Variants in PKHD1 observed in about 807,000 individuals in gnomAD.
PKHD1 encodes PKHD1 ciliary IPT domain containing fibrocystin/polyductin, also known as fibrocystin.
A neutral mutation model predicts 412.0 loss-of-function variants in PKHD1; 291 were observed. The ratio of observed to expected loss-of-function variants is 0.71; its 90% CI spans 0.64 to 0.78. PKHD1 has a LOEUF of 0.78. Ranked by LOEUF, PKHD1 falls within the 30% of genes least tolerant of loss-of-function variation. PKHD1 has a pLI of 0.00. For synonymous variants in PKHD1, 1,777 were observed against 1,821.5 expected (o/e 0.98, Z 0.62); for missense variants, 4,825 against 4,950.7 (o/e 0.97, Z 0.76).
At chr6:51,972,785 C>G (rs1387974374) in intron 35 of PKHD1, among the ~76,000 whole-genome samples, 1 of 152,182 alleles carries the variant, frequency 6.6e-6, no homozygotes, top group East Asian at 1.9e-4. Flanking sequence ...TTATTGGTTC[C>G]AAATGCAATG....
chr6:52,055,462 G>A (rs1396662469), intron 19 of PKHD1, 125 bp downstream of exon 19: 5 of 1,075,258 alleles, frequency 4.7e-6, no homozygotes, highest in Non-Finnish European at 7.0e-6. Context: ...TAGAACCTCA[G>A]CCTGAAACAC....
chr6:51,765,927 T>C (rs1788916077), intron 55 of PKHD1, among the ~76,000 whole-genome samples: 1 of 152,242 alleles, frequency 6.6e-6, no homozygotes, highest in Admixed American at 6.5e-5. Flanking sequence ...TTAATGTCCA[T>C]GCTTCTTTCA....
chr6:51,962,517 C>T (rs552147960), intron 35 of PKHD1, among the ~76,000 whole-genome samples: 43 of 152,188 alleles, frequency 2.8e-4, no homozygotes, highest in African/African-American at 9.6e-4. Context: ...TGTCAGCCTT[C>T]AAAGATTGCT....
chr6:51,946,944 T>A lies in PKHD1; in HGVS notation c.5909-12622A>T, dbSNP rs1286404960. Among the ~76,000 whole-genome samples, 7 of 152,360 alleles carry A rather than the reference T, an allele frequency of 4.6e-5. No individual in the cohort carries two copies. The East Asian group carries it at 9.6e-4, about 21-fold the overall frequency. ...CCACAAAATAATTTGTTGTTTTTTT[T>A]AAGAAAACAAATACACAATTCTATT... On this transcript the variant is annotated intron_variant, in intron 36 of 66. Transcript: ENST00000371117.
At chr6:51,944,750 T>C (rs1378107464) in intron 36 of PKHD1, among the ~76,000 whole-genome samples, 1 of 152,204 alleles carries the variant, frequency 6.6e-6, no homozygotes, top group Non-Finnish European at 1.5e-5. Flanking sequence ...CTTTCTTTAC[T>C]GCAACGCCAT....
In PKHD1 at chr6:52,062,525, G is replaced by C; in HGVS notation, c.1112C>G (p.Pro371Arg). The change falls in exon 14 of 67, where the codon CCT (proline) becomes CGT (arginine). Residue 371 changes from proline to arginine, a missense_variant. Pro to Arg is a moderately radical substitution (Grantham distance 103). Coordinates refer to ENST00000371117, the MANE Select transcript of PKHD1 (RefSeq NM_138694.4). ...CACTTTTCCTACAACATACCTGAAA[G>C]GTTGTCCTTCCTGTGACCAAAACCC... is the stretch of plus-strand genomic sequence containing the variant. ...PFGFWSQEGQPFRARLSGFFV... is the reference protein window; with the variant it reads ...PFGFWSQEGQRFRARLSGFFV... 6.2e-7 allele frequency: 1 copy of C among 1,614,024 alleles called. No individual in the cohort carries two copies. Among genetic ancestry groups the C allele is most frequent in the Non-Finnish European group, 8.5e-7 (1 of 1,179,918 alleles).
intron 34 of PKHD1, among the ~76,000 whole-genome samples, chr6:52,013,571 A>G (rs1304727915): frequency 6.6e-6 from 1 of 152,202 alleles, no homozygotes; most frequent in Admixed American, 6.5e-5. Context: ...CCATATTTAA[A>G]TATAAATATA....
At chr6:51,667,862 G>A (rs1449436136) in intron 60 of PKHD1, among the ~76,000 whole-genome samples, 7 of 151,488 alleles carry the variant, frequency 4.6e-5, no homozygotes, top group Non-Finnish European at 7.4e-5. Context: ...TTGTAGATAC[G>A]CGGCGTTATT....
At position 51,757,101 on chromosome 6, in the gene PKHD1, G is replaced by A. The variant is rs190396692; in HGVS notation, c.8643-2163C>T. On this transcript the variant is annotated intron_variant, in intron 55 of 66. Transcript: ENST00000371117. The stretch of plus-strand genomic sequence containing the variant: ...GCCCACCACTCACTTCCTGCTGTGC[G>A]TCCTGGTTCCCGATAGGCTAAGGAT... 7.2e-5 allele frequency among the ~76,000 whole-genome samples: 11 copies of A among 152,250 alleles called. No homozygotes were observed. The East Asian group carries it at 7.7e-4, about 11-fold the overall frequency.
At chr6:52,034,522 G>A (rs1275114195) in intron 28 of PKHD1, among the ~76,000 whole-genome samples, 1 of 152,124 alleles carries the variant, frequency 6.6e-6, no homozygotes, top group African/African-American at 2.4e-5. Context: ...AAATAATAAA[G>A]TGATAACCCA....
chr6:51,939,334 C>T (rs1561934433), intron 36 of PKHD1, among the ~76,000 whole-genome samples: 1 of 151,118 alleles, frequency 6.6e-6, no homozygotes, highest in South Asian at 2.1e-4. Context: ...TTCTAGGGGG[C>T]AAGAACCCGC....
Position 51,868,106 on chromosome 6 carries a change from C to T in PKHD1, c.7490G>A (p.Gly2497Glu). Residue 2497 changes from glycine (G) to glutamate (E), a missense_variant, in exon 48 of 67, where the codon GGA becomes GAA. By Grantham distance (98) the Gly-to-Glu change is moderately conservative. Coordinates refer to ENST00000371117, the MANE Select transcript of PKHD1 (RefSeq NM_138694.4). ...CAACTGGCTGGTCTTCACAGTAAAT[C>T]CACCTATAAATTGGAAAACAGAAAG... is the stretch of plus-strand genomic sequence containing the variant. ...TCSDCSQGQG[G>E]FTVKTSQLKF... 3 of 1,610,998 alleles carry T rather than the reference C, an allele frequency of 1.9e-6. No homozygotes were observed. The highest frequency in any genetic ancestry group is 2.5e-6 in the Non-Finnish European group (3 of 1,177,422).
At chr6:51,844,397 G>T (rs570549424) in intron 50 of PKHD1, among the ~76,000 whole-genome samples, 2 of 152,330 alleles carry the variant, frequency 1.3e-5, no homozygotes, top group South Asian at 4.1e-4. Flanking sequence ...AAAGAAAAAT[G>T]CAAGGGTCAA....
intron 43 of PKHD1, among the ~76,000 whole-genome samples, chr6:51,891,391 T>C (rs1779096905): frequency 6.6e-6 from 1 of 152,144 alleles, no homozygotes; most frequent in African/African-American, 2.4e-5. Context: ...GCGATTCTCC[T>C]GCCTTAGCCT....
chr6:51,829,488 T>C (rs1767886691), intron 52 of PKHD1, among the ~76,000 whole-genome samples: 1 of 152,170 alleles, frequency 6.6e-6, no homozygotes, highest in African/African-American at 2.4e-5. Flanking sequence ...ATCCGCTGGC[T>C]AGATTCATCA....
chr6:51,767,799 C>T (rs554600072), intron 55 of PKHD1, among the ~76,000 whole-genome samples: 49 of 152,278 alleles, frequency 3.2e-4, no homozygotes, highest in Admixed American at 2.3e-3. Flanking sequence ...GTCTTTATAG[C>T]AGCATGATTT....
chr6:51,796,788 T>A (rs753636385), intron 52 of PKHD1, among the ~76,000 whole-genome samples: 24 of 151,804 alleles, frequency 1.6e-4, no homozygotes, highest in South Asian at 2.1e-4. Context: ...AGGTTGTTCA[T>A]TTCCATGGTG....
At chr6:51,884,091 G>A (rs1466684408) in intron 45 of PKHD1, among the ~76,000 whole-genome samples, 1 of 152,132 alleles carries the variant, frequency 6.6e-6, no homozygotes, top group Non-Finnish European at 1.5e-5. Context: ...GACACCACTG[G>A]TCTGGGAGAC....
intron 55 of PKHD1, among the ~76,000 whole-genome samples, chr6:51,761,664 T>G (rs1159946633): frequency 6.6e-6 from 1 of 152,054 alleles, no homozygotes; most frequent in African/African-American, 2.4e-5. Flanking sequence ...CAATCCACAA[T>G]GCAATACATG....
Sources: allele counts gnomAD v4.1 joint callset (sites outside exome capture counted in the v4.1 genomes callset), GRCh38; gene constraint gnomAD v4.1.1; transcripts MANE v1.5; gene names NCBI Gene and HGNC (gene_info 2026-07-23, HGNC 2026-07-21).